R3HDM1: variants seen among roughly 807,000 people sequenced by gnomAD.
R3HDM1 encodes the protein R3H domain-containing protein 1.
A neutral mutation model predicts 141.1 loss-of-function variants in R3HDM1; 46 were observed. The observed-to-expected ratio is 0.33, with a 90% confidence interval of 0.26 to 0.42. The LOEUF (loss-of-function observed/expected upper bound fraction) is 0.42, where lower values mean the gene tolerates loss of function less well. R3HDM1 is among the 10% of genes least tolerant of loss of function. The pLI is 1.00. For missense variants in R3HDM1, 1,184 were observed against 1,368.3 expected, an observed-to-expected ratio of 0.87 and a Z score of 2.12; for synonymous variants, 435 against 472.9, an observed-to-expected ratio of 0.92 and a Z score of 1.04.
chr2:135,669,359 A>G (rs1357586217), intron 19 of R3HDM1: 2 of 985,206 alleles, frequency 2.0e-6, no homozygotes, highest in East Asian at 1.1e-4. Flanking sequence ...TCTGATTCCT[A>G]TTTTGAATAA....
chr2:135,591,994 T>G (rs1709389853), intron 1 of R3HDM1, among the ~76,000 whole-genome samples: 1 of 152,074 alleles, frequency 6.6e-6, no homozygotes, highest in South Asian at 2.1e-4. Flanking sequence ...GTGTTCAGAG[T>G]TTTTATTGGG....
At chr2:135,596,847 A>T (rs2059238126) in intron 1 of R3HDM1, 1 of 190,590 alleles carries the variant, frequency 5.2e-6, no homozygotes, top group Admixed American at 6.5e-5. Flanking sequence ...TTTAAATAAA[A>T]CAGTGCAGTG....
intron 17 of R3HDM1, chr2:135,651,224 T>G: frequency 1.0e-6 from 1 of 985,190 alleles, no homozygotes; most frequent in African/African-American, 1.7e-5. Context: ...GTGGATTTTA[T>G]GTATTTAATT....
intron 1 of R3HDM1, among the ~76,000 whole-genome samples, chr2:135,537,608 CTTAT>C (rs1247174137): frequency 1.9e-5 from 2 of 107,370 alleles, no homozygotes; most frequent in Non-Finnish European, 3.7e-5. Context: ...TTAGTGAGCC[CTTAT>C]TTTATTTTAT....
At chr2:135,558,941 A>G (rs943012371) in intron 1 of R3HDM1, 7 of 867,904 alleles carry the variant, frequency 8.1e-6, no homozygotes, top group Non-Finnish European at 9.7e-6. Context: ...TCAAAATGTA[A>G]TTTAAAAAGT....
At chr2:135,550,179 A>G in intron 1 of R3HDM1, 8 of 985,006 alleles carry the variant, frequency 8.1e-6, no homozygotes, top group Non-Finnish European at 9.6e-6. Flanking sequence ...CACACTCCAC[A>G]GCTTTTTGTG....
intron 21 of R3HDM1, among the ~76,000 whole-genome samples, chr2:135,708,403 T>G (rs917475866): frequency 1.3e-5 from 2 of 152,214 alleles, no homozygotes; most frequent in African/African-American, 4.8e-5. Context: ...TTCTCTGTAA[T>G]TCAGTAGTTT....
At chr2:135,711,231 A>T (rs540132980) in intron 23 of R3HDM1, among the ~76,000 whole-genome samples, 6 of 152,330 alleles carry the variant, frequency 3.9e-5, no homozygotes, top group African/African-American at 1.4e-4. Context: ...CCAGTGGGAC[A>T]TTTTACTTGA....
intron 1 of R3HDM1, among the ~76,000 whole-genome samples, chr2:135,578,642 A>G (rs1337265823): frequency 2.0e-5 from 3 of 152,238 alleles, no homozygotes; most frequent in East Asian, 3.8e-4. Flanking sequence ...TGAGTGGGGA[A>G]GAAAAGAACT....
At chr2:135,656,151 TTC>T (rs201093849) in intron 18 of R3HDM1, among the ~76,000 whole-genome samples, 25,339 of 152,120 alleles carry the variant, frequency 0.17, 2,785 homozygotes, top group South Asian at 0.32. Context: ...ACATACATTT[TTC>T]TCTGTCTCTA....
chr2:135,699,786 A>G (rs1436574363), intron 21 of R3HDM1, among the ~76,000 whole-genome samples: 2 of 152,234 alleles, frequency 1.3e-5, no homozygotes, highest in African/African-American at 2.4e-5. Context: ...ATGTTCTAAG[A>G]TGGTAACAGT....
At chr2:135,597,386 T>A in intron 1 of R3HDM1, 2 of 643,702 alleles carry the variant, frequency 3.1e-6, no homozygotes, top group Non-Finnish European at 3.9e-6. Context: ...CATGCACATT[T>A]AACATTTTGA....
intron 1 of R3HDM1, among the ~76,000 whole-genome samples, chr2:135,562,199 G>A (rs567694698): frequency 2.6e-5 from 4 of 152,258 alleles, no homozygotes; most frequent in African/African-American, 9.6e-5. Flanking sequence ...GTGACTAATA[G>A]CTGTTCGTAG....
intron 26 of R3HDM1, among the ~76,000 whole-genome samples, chr2:135,722,896 CCT>C (rs2076831301): frequency 6.6e-6 from 1 of 151,990 alleles, no homozygotes; most frequent in Non-Finnish European, 1.5e-5. Flanking sequence ...AAATATGTTG[CCT>C]CTCTGTGGTA....
At chr2:135,664,031 C>CAAAA (rs11382173) in intron 19 of R3HDM1, among the ~76,000 whole-genome samples, 3 of 103,764 alleles carry the variant, frequency 2.9e-5, no homozygotes, top group African/African-American at 3.2e-5. Flanking sequence ...GAGACTGTCT[C>CAAAA]AAAAAAAAAA....
Position 135,628,526 on chromosome 2 carries a change from G to T in R3HDM1, c.498-3192G>T, listed in dbSNP as rs569638438. 2.6e-5 allele frequency among the ~76,000 whole-genome samples: 4 copies of T among 152,306 alleles called. No homozygotes were observed. In the South Asian group the frequency reaches 8.3e-4, roughly 32 times the overall value. On this transcript the variant is annotated intron_variant, in intron 7 of 26. Transcript: ENST00000683871. ...CAGTGCATTTCACTGAAGAACAATT[G>T]AAATATTCTTATACCTGCTCTTTAG... is the stretch of plus-strand genomic sequence containing the variant.
chr2:135,661,856 G>A (rs1028465417), intron 19 of R3HDM1, among the ~76,000 whole-genome samples: 2 of 152,094 alleles, frequency 1.3e-5, no homozygotes, highest in African/African-American at 4.8e-5. Context: ...AAGAAATGAT[G>A]TACTTAGCAT....
chr2:135,653,589 C>A (rs2105284643), intron 18 of R3HDM1, among the ~76,000 whole-genome samples: 1 of 152,138 alleles, frequency 6.6e-6, no homozygotes, highest in South Asian at 2.1e-4. Flanking sequence ...CCATGACTTA[C>A]TTAGAAGTAT....
At chr2:135,621,438 G>T (rs2061502998) in intron 5 of R3HDM1, 56 bp from the exon 6 acceptor site, 10 of 1,043,530 alleles carry the variant, frequency 9.6e-6, no homozygotes, top group Admixed American at 5.5e-5. Flanking sequence ...TAAATGTGTG[G>T]TATTAAATGA....
Sources: allele counts gnomAD v4.1 joint callset (sites outside exome capture counted in the v4.1 genomes callset), GRCh38; gene constraint gnomAD v4.1.1; transcripts MANE v1.5; gene names NCBI Gene and HGNC (gene_info 2026-07-23, HGNC 2026-07-21).